The following SLCO3A1 variants were observed in gnomAD, a reference collection of about 807,000 sequenced individuals.
The protein encoded by SLCO3A1 is PGE1 transporter.
A neutral mutation model predicts 63.1 loss-of-function variants in SLCO3A1; 27 were observed. The ratio of observed to expected loss-of-function variants is 0.43; its 90% CI spans 0.32 to 0.59. SLCO3A1 has a LOEUF of 0.59. SLCO3A1 is among the 20% of genes least tolerant of loss of function. The pLI is 0.09. For synonymous variants in SLCO3A1, 473 were observed against 409.9 expected (o/e 1.15, Z -1.86); for missense variants, 773 against 945.8 (o/e 0.82, Z 2.40).
chr15:92,120,714 A>G (rs1401341577), intron 5 of SLCO3A1, 85 bp downstream of exon 5: 5 of 1,166,804 alleles, frequency 4.3e-6, no homozygotes, highest in Non-Finnish European at 6.3e-6. Flanking sequence ...GCCCTGCTGA[A>G]GAACCCCACT....
intron 2 of SLCO3A1, among the ~76,000 whole-genome samples, chr15:92,076,814 A>G (rs1247520562): frequency 6.6e-6 from 1 of 152,214 alleles, no homozygotes; most frequent in Non-Finnish European, 1.5e-5. Flanking sequence ...GGTTTAAAAT[A>G]GGGGATGAGT....
chr15:91,893,169 G>T (rs756111981), intron 1 of SLCO3A1, among the ~76,000 whole-genome samples: 5 of 152,336 alleles, frequency 3.3e-5, no homozygotes, highest in Middle Eastern at 3.4e-3. Context: ...TACTTGACAT[G>T]TGGGTAGTAT....
At chr15:92,072,065 C>T (rs759206880) in intron 2 of SLCO3A1, among the ~76,000 whole-genome samples, 7 of 152,160 alleles carry the variant, frequency 4.6e-5, no homozygotes, top group Non-Finnish European at 7.3e-5. Context: ...TTGCACTGTG[C>T]GTTTTCCCTC....
At chr15:91,915,760 T>C (rs1276863748) in intron 1 of SLCO3A1, among the ~76,000 whole-genome samples, 1 of 152,138 alleles carries the variant, frequency 6.6e-6, no homozygotes, top group Non-Finnish European at 1.5e-5. Flanking sequence ...AAAAACATTG[T>C]TGCTACTGGG....
At position 92,052,641 on chromosome 15, in the gene SLCO3A1, G is replaced by A. The variant is rs939358416; in HGVS notation, c.647-42240G>A. On this transcript the variant is annotated intron_variant, in intron 2 of 9. Transcript: ENST00000318445. ...AAATGCATTCCCTTATATGCAGCCT[G>A]GCTCCATGTAATTTCCAAGTTCTTG... Among the ~76,000 whole-genome samples, 3 of 152,118 alleles carry A rather than the reference G, an allele frequency of 2.0e-5. No homozygotes were observed. The South Asian group carries it at 6.2e-4, about 32-fold the overall frequency.
intron 2 of SLCO3A1, among the ~76,000 whole-genome samples, chr15:92,050,875 T>C (rs958800715): frequency 6.6e-6 from 1 of 152,124 alleles, no homozygotes; most frequent in Non-Finnish European, 1.5e-5. Flanking sequence ...CCTCTTGCTA[T>C]TCCTCACATC....
chr15:91,960,117 G>C (rs984625682), intron 2 of SLCO3A1, among the ~76,000 whole-genome samples: 11 of 152,100 alleles, frequency 7.2e-5, no homozygotes, highest in African/African-American at 2.7e-4. Context: ...CCGAGTAGCT[G>C]GGACTATAGG....
At chr15:91,870,986 G>GT (rs1313639450) in intron 1 of SLCO3A1, among the ~76,000 whole-genome samples, 4 of 151,830 alleles carry the variant, frequency 2.6e-5, no homozygotes, top group Non-Finnish European at 5.9e-5. Context: ...CTCTGGCTGA[G>GT]TTACGTTTTC....
chr15:91,973,018 G>A (rs1900940703), intron 2 of SLCO3A1, among the ~76,000 whole-genome samples: 1 of 152,230 alleles, frequency 6.6e-6, no homozygotes, highest in Non-Finnish European at 1.5e-5. Flanking sequence ...CTACTAGGGA[G>A]GCAGGAGAAT....
chr15:91,879,241 A>G (rs1020608458), intron 1 of SLCO3A1, among the ~76,000 whole-genome samples: 8 of 151,938 alleles, frequency 5.3e-5, no homozygotes, highest in African/African-American at 1.9e-4. Flanking sequence ...CCTATAAAGC[A>G]GGTACGTTTT....
Position 92,165,794 on chromosome 15 carries a change from A to G in SLCO3A1, c.*2659A>G. On this transcript the variant is annotated 3_prime_UTR_variant, in exon 10 of 10. Transcript: ENST00000318445. Reference sequence around the variant, plus strand: ...GCATTGTACATACAACACTAGATCCAGCCCCTCGATTATCTGTTTGGTTTC... The same window carrying G: ...GCATTGTACATACAACACTAGATCCGGCCCCTCGATTATCTGTTTGGTTTC... The G allele has an allele frequency of 2.0e-6, 2 of 985,410 alleles. No homozygotes were observed. The highest frequency in any genetic ancestry group is 2.4e-6 in the Non-Finnish European group (2 of 829,896). 61.0% of individuals were successfully genotyped at this position (985,410 alleles called of 1,614,324 possible).
intron 2 of SLCO3A1, among the ~76,000 whole-genome samples, chr15:91,936,400 C>G (rs1038100813): frequency 6.6e-6 from 1 of 152,252 alleles, no homozygotes; most frequent in African/African-American, 2.4e-5. Flanking sequence ...CTCATTTGCA[C>G]TAGCTAGATT....
In SLCO3A1 at chr15:91,871,058, G is replaced by C. The variant is rs893480893; in HGVS notation, c.180+16970G>C. On this transcript the variant is annotated intron_variant, in intron 1 of 9. Transcript: ENST00000318445. Reference sequence around the variant, plus strand: ...TGCTTTCTTGCCTTTCCAGGAGTCTGTGTTTAAAGATAACCATGCCTTGTG... The same window carrying C: ...TGCTTTCTTGCCTTTCCAGGAGTCTCTGTTTAAAGATAACCATGCCTTGTG... 8.5e-5 allele frequency among the ~76,000 whole-genome samples: 13 copies of C among 152,234 alleles called. No homozygotes were observed. In the South Asian group the frequency reaches 2.1e-3, roughly 24 times the overall value.
chr15:91,885,284 C>T lies in SLCO3A1; in HGVS notation c.181-30709C>T, dbSNP rs1261899875. On this transcript the variant is annotated intron_variant, in intron 1 of 9. Coordinates refer to ENST00000318445, the MANE Select transcript of SLCO3A1 (RefSeq NM_013272.4). The surrounding 1 kb of genome is among the most constrained non-coding windows in gnomAD (Gnocchi z 4.7). ...CATCTTCCTTCTCCAGGGCTACCTCCTGAGGGCTCACTCCTTAAAGGCAGG... is the reference window on the plus strand; with the variant it reads ...CATCTTCCTTCTCCAGGGCTACCTCTTGAGGGCTCACTCCTTAAAGGCAGG... 6.6e-6 allele frequency among the ~76,000 whole-genome samples: 1 copy of T among 152,206 alleles called. No individual in the cohort carries two copies.
At chr15:91,960,496 A>G (rs1329840846) in intron 2 of SLCO3A1, among the ~76,000 whole-genome samples, 2 of 152,126 alleles carry the variant, frequency 1.3e-5, no homozygotes, top group African/African-American at 4.8e-5. Flanking sequence ...GGATACATCC[A>G]AGCCAGTTCC....
chr15:92,039,088 A>T (rs1240731457), intron 2 of SLCO3A1, among the ~76,000 whole-genome samples: 2 of 152,062 alleles, frequency 1.3e-5, no homozygotes, highest in Admixed American at 1.3e-4. Flanking sequence ...CTCAAGATGG[A>T]TTAAAGACTT....
chr15:92,000,311 C>CAAT (rs1253595213), intron 2 of SLCO3A1, among the ~76,000 whole-genome samples: 5 of 151,114 alleles, frequency 3.3e-5, no homozygotes, highest in African/African-American at 7.3e-5. Context: ...TTCCAGAGAA[C>CAAT]AATATCCTCT....
chr15:91,874,735 A>AC (rs1897359325), intron 1 of SLCO3A1, among the ~76,000 whole-genome samples: 1 of 152,176 alleles, frequency 6.6e-6, no homozygotes, highest in African/African-American at 2.4e-5. Context: ...TAATTTCCCC[A>AC]CTTTTTCCCC....
chr15:91,880,409 C>CTGTGTGTGTGTGTGTGTGTG (rs58932263), intron 1 of SLCO3A1, among the ~76,000 whole-genome samples: 6 of 142,266 alleles, frequency 4.2e-5, no homozygotes, highest in South Asian at 2.4e-4. Flanking sequence ...CTCTCTCTCT[C>CTGTGTGTGTGTGTGTGTGTG]TGTGTGTGTG....
Sources: gnomAD v4.1 joint callset for allele counts (sites outside exome capture counted in the v4.1 genomes callset) on GRCh38, gnomAD v4.1.1 for gene constraint, Gnocchi (gnomAD v3.1) non-coding constraint, MANE v1.5 for transcripts, NCBI Gene and HGNC (gene_info 2026-07-23, HGNC 2026-07-21) for gene names.